CSMD3: variants seen among roughly 807,000 people sequenced by gnomAD.
CSMD3 encodes the protein CUB and Sushi multiple domains 3.
CSMD3 carries 177 observed loss-of-function variants against 435.2 expected under a neutral mutation model. That is an observed-to-expected ratio of 0.41 (90% CI 0.36 to 0.46). The LOEUF (loss-of-function observed/expected upper bound fraction) is 0.46, where lower values mean the gene tolerates loss of function less well. CSMD3 is among the 20% of genes least tolerant of loss of function. CSMD3 has a pLI of 0.34. For missense variants in CSMD3, 4,265 were observed against 4,504.6 expected, an observed-to-expected ratio of 0.95 and a Z score of 1.52; for synonymous variants, 1,656 against 1,520.5, an observed-to-expected ratio of 1.09 and a Z score of -2.07.
chr8:113,133,704 T>C (rs28694438), intron 4 of CSMD3, among the ~76,000 whole-genome samples: 23,007 of 152,018 alleles, frequency 0.15, 3,370 homozygotes, highest in African/African-American at 0.38. Context: ...AATAAGTGGA[T>C]AAACAAAAAG....
At chr8:112,986,874 GA>G (rs1249740402) in intron 6 of CSMD3, among the ~76,000 whole-genome samples, 2 of 151,868 alleles carry the variant, frequency 1.3e-5, no homozygotes, top group African/African-American at 4.8e-5. Flanking sequence ...ATATAAAATG[GA>G]AAGTAAAAAA....
intron 32 of CSMD3, among the ~76,000 whole-genome samples, chr8:112,472,376 T>C (rs997588900): frequency 1.3e-5 from 2 of 152,206 alleles, no homozygotes; most frequent in Non-Finnish European, 2.9e-5. Flanking sequence ...GTTTTCATTT[T>C]TGTATTGTTG....
chr8:113,347,957 A>C (rs2094163271), intron 1 of CSMD3, among the ~76,000 whole-genome samples: 1 of 152,154 alleles, frequency 6.6e-6, no homozygotes, highest in Admixed American at 6.6e-5. Flanking sequence ...GAAAAAAATA[A>C]ATCATTAAAA....
intron 2 of CSMD3, among the ~76,000 whole-genome samples, chr8:113,280,851 G>T (rs1002144710): frequency 6.6e-6 from 1 of 151,702 alleles, no homozygotes; most frequent in Admixed American, 6.6e-5. Context: ...TTGATACATC[G>T]TACCATTATT....
chr8:112,298,066 C>CAAAAAAAAAAAAAA, intron 53 of CSMD3, among the ~76,000 whole-genome samples: 1 of 93,582 alleles, frequency 1.1e-5, no homozygotes, highest in Non-Finnish European at 2.2e-5. Context: ...TGCCATTGCA[C>CAAAAAAAAAAAAAA]AAAAAAAAAA....
At chr8:112,882,823 C>T (rs538921234) in intron 10 of CSMD3, among the ~76,000 whole-genome samples, 3 of 152,102 alleles carry the variant, frequency 2.0e-5, no homozygotes, top group African/African-American at 7.2e-5. Context: ...ACTTTTGATG[C>T]CCATAAACAG....
intron 41 of CSMD3, among the ~76,000 whole-genome samples, chr8:112,342,979 ATATATATT>A (rs58108880): frequency 0.28 from 24,291 of 87,970 alleles, 2,922 homozygotes; most frequent in Middle Eastern, 0.45. Flanking sequence ...TATTATATAT[ATATATATT>A]TATATATATA....
At chr8:112,517,689 C>G (rs974465192) in intron 27 of CSMD3, among the ~76,000 whole-genome samples, 3 of 152,028 alleles carry the variant, frequency 2.0e-5, no homozygotes, top group African/African-American at 4.8e-5. Flanking sequence ...TAGAGAAATG[C>G]AAATTAAAAC....
chr8:112,342,986 T>TA lies in CSMD3; in HGVS notation c.6443-1301_6443-1300insT, dbSNP rs1491394214. ...TTGAAATGTATTATATATATATATATTTATATATATATATTTATATATATA... is the reference window on the plus strand; with the variant it reads ...TTGAAATGTATTATATATATATATATATTATATATATATATTTATATATATA... On this transcript the variant is annotated intron_variant, in intron 41 of 70. Transcript: ENST00000297405. Among the ~76,000 whole-genome samples the TA allele has an allele frequency of 1.5e-4, 7 of 47,908 alleles. 1 individual carries two copies. The highest frequency in any genetic ancestry group is 3.8e-4 in the African/African-American group (6 of 15,922). The allele number at this position is 47,908 out of a possible 152,430, so 31.4% of individuals were successfully genotyped here. A position where few individuals can be genotyped will look rare whatever the true frequency, so the allele number is the denominator to read the frequency against.
At chr8:113,038,815 G>T (rs2087473079) in intron 5 of CSMD3, among the ~76,000 whole-genome samples, 1 of 152,022 alleles carries the variant, frequency 6.6e-6, no homozygotes, top group Non-Finnish European at 1.5e-5. Context: ...ATACAAACAG[G>T]TCTCCAAACT....
chr8:113,269,197 C>A (rs1253105110), intron 3 of CSMD3, among the ~76,000 whole-genome samples: 1 of 152,064 alleles, frequency 6.6e-6, no homozygotes, highest in African/African-American at 2.4e-5. Flanking sequence ...CACGGGTAAA[C>A]TCCTATTCAC....
intron 3 of CSMD3, among the ~76,000 whole-genome samples, chr8:113,213,567 C>T (rs1208962465): frequency 1.3e-5 from 2 of 151,730 alleles, no homozygotes; most frequent in African/African-American, 4.8e-5. Flanking sequence ...CTACACAGCT[C>T]TTTAATTTTG....
chr8:112,609,629 G>T (rs1216683411), intron 22 of CSMD3, among the ~76,000 whole-genome samples: 1 of 152,100 alleles, frequency 6.6e-6, no homozygotes, highest in South Asian at 2.1e-4. Context: ...ATTAAAAATA[G>T]AACTACCATG....
chr8:113,073,564 A>G (rs1387141095), intron 5 of CSMD3, among the ~76,000 whole-genome samples: 1 of 151,836 alleles, frequency 6.6e-6, no homozygotes, highest in African/African-American at 2.4e-5. Flanking sequence ...CTTGAAGCTC[A>G]TCCAGCTTGC....
intron 11 of CSMD3, among the ~76,000 whole-genome samples, chr8:112,843,309 A>G (rs972280509): frequency 6.6e-6 from 1 of 151,878 alleles, no homozygotes; most frequent in African/African-American, 2.4e-5. Flanking sequence ...GATGCTCATA[A>G]AAGAGGCAGC....
At chr8:112,449,964 T>C (rs897131643) in intron 32 of CSMD3, among the ~76,000 whole-genome samples, 2 of 152,160 alleles carry the variant, frequency 1.3e-5, no homozygotes, top group African/African-American at 4.8e-5. Context: ...CCTCAGCTTA[T>C]CCACCCGCCT....
intron 11 of CSMD3, among the ~76,000 whole-genome samples, chr8:112,844,770 A>G (rs1359502866): frequency 6.6e-6 from 1 of 151,884 alleles, no homozygotes; most frequent in East Asian, 1.9e-4. Flanking sequence ...ACCTAATCAT[A>G]ATTGAAAAGC....
intron 30 of CSMD3, among the ~76,000 whole-genome samples, chr8:112,494,925 C>A (rs1449893288): frequency 6.6e-6 from 1 of 152,068 alleles, no homozygotes; most frequent in African/African-American, 2.4e-5. Context: ...CCCAAGCACA[C>A]ATATACACAC....
intron 38 of CSMD3, among the ~76,000 whole-genome samples, chr8:112,360,040 G>A (rs1827036051): frequency 1.3e-5 from 2 of 152,016 alleles, no homozygotes; most frequent in African/African-American, 4.8e-5. Context: ...ATTTCATAGA[G>A]TCTTCATCAG....
Sources: gnomAD v4.1 joint callset for allele counts (sites outside exome capture counted in the v4.1 genomes callset) on GRCh38, gnomAD v4.1.1 for gene constraint, MANE v1.5 for transcripts, NCBI Gene and HGNC (gene_info 2026-07-23, HGNC 2026-07-21) for gene names.